STAU1: variants seen among roughly 807,000 people sequenced by gnomAD.
The protein encoded by STAU1 is staufen double-stranded RNA binding protein 1.
In STAU1, 13 loss-of-function variants were observed where a neutral mutation model predicts 62.9. That is an observed-to-expected ratio of 0.21 (90% confidence interval 0.13 to 0.33). The LOEUF is 0.33. STAU1 is among the 10% of genes least tolerant of loss of function. STAU1 has a pLI of 1.00. For synonymous variants in STAU1, 269 were observed against 265.1 expected (o/e 1.01, Z -0.14); for missense variants, 571 against 712.1 (o/e 0.80, Z 2.25).
chr20:49,156,638 G>A (rs2093361616), intron 3 of STAU1, among the ~76,000 whole-genome samples: 1 of 152,094 alleles, frequency 6.6e-6, no homozygotes, highest in African/African-American at 2.4e-5. Context: ...GCTCCCCATT[G>A]CTGATTTCCA....
intron 13 of STAU1, among the ~76,000 whole-genome samples, chr20:49,115,166 T>C (rs1012845530): frequency 6.7e-6 from 1 of 149,668 alleles, no homozygotes; most frequent in African/African-American, 2.5e-5. Context: ...CAGGAGAAAC[T>C]AGTAAAAATG....
Position 49,165,907 on chromosome 20 carries a change from G to A in STAU1, c.205+90C>T, listed in dbSNP as rs2093518359. The A allele has an allele frequency of 3.8e-6, 5 of 1,332,946 alleles. No individual in the cohort carries two copies. In the Middle Eastern group the frequency reaches 7.3e-4, roughly 195 times the overall value. 82.6% of individuals were successfully genotyped at this position (1,332,946 alleles called of 1,614,324 possible). ...TTTCTTTTGCTTTTTGAAGGTAAAT[G>A]TGAGAGCTCCCTAAATCTGCAACCT... On this transcript the variant is annotated intron_variant, in intron 3 of 13. Transcript: ENST00000371856.
At chr20:49,201,851 G>C in the STAU1 span, among the ~76,000 whole-genome samples, 1 of 151,820 alleles carries the variant, frequency 6.6e-6, no homozygotes, top group South Asian at 2.1e-4. Flanking sequence ...GAAATACTTA[G>C]AGGGAAAGTT....
chr20:49,127,842 G>A (rs757603809), intron 6 of STAU1, among the ~76,000 whole-genome samples: 6 of 150,286 alleles, frequency 4.0e-5, no homozygotes, highest in African/African-American at 1.2e-4. Context: ...GCAAAACCCC[G>A]TCTCTACAAA....
intron 2 of STAU1, among the ~76,000 whole-genome samples, chr20:49,170,837 T>G (rs912174223): frequency 1.3e-5 from 2 of 150,096 alleles, no homozygotes; most frequent in African/African-American, 2.4e-5. Context: ...TGGAGAAGCC[T>G]CCTTTTCAGA....
At chr20:49,126,588 C>CAAAAAAAAAAAAAAAAAAAAAACAA in intron 6 of STAU1, among the ~76,000 whole-genome samples, 5 of 56,376 alleles carry the variant, frequency 8.9e-5, no homozygotes, top group Non-Finnish European at 1.1e-4. Flanking sequence ...AAAAAAAAAA[C>CAAAAAAAAAAAAAAAAAAAAAACAA]AAAAAAAAAA....
chr20:49,147,343 G>A (rs539917951), intron 5 of STAU1, among the ~76,000 whole-genome samples: 3 of 152,310 alleles, frequency 2.0e-5, no homozygotes, highest in African/African-American at 4.8e-5. Flanking sequence ...TGGCATGGAG[G>A]GCCCAGACTA....
the STAU1 span, among the ~76,000 whole-genome samples, chr20:49,200,046 G>T: frequency 6.6e-6 from 1 of 152,136 alleles, no homozygotes. Flanking sequence ...AATGCAAAAT[G>T]GTACAGCCAC....
At position 49,117,373 on chromosome 20, in the gene STAU1, CCATACTAA is replaced by C. The variant is rs2145819168; in HGVS notation, c.1510-133_1510-126del. The C allele has an allele frequency of 8.2e-7, 1 of 1,217,870 alleles. No homozygotes were observed. Among genetic ancestry groups the C allele is most frequent in the African/African-American group, 1.5e-5 (1 of 66,134 alleles). 75.4% of individuals were successfully genotyped at this position (1,217,870 alleles called of 1,614,324 possible). A position where few individuals can be genotyped will look rare whatever the true frequency, so the allele number is the denominator to read the frequency against. ...TTTTTCCAACTCAGCCCCACTGTGG[CCATACTAA>C]CACCTGCCCTGTCAGCCCAGAACCT... is the stretch of plus-strand genomic sequence containing the variant. On this transcript the variant is annotated intron_variant, in intron 11 of 13. Transcript: ENST00000371856. The surrounding 1 kb of genome is among the most constrained non-coding windows in gnomAD (Gnocchi z 4.6).
At chr20:49,121,689 A>G (rs1001229405) in intron 8 of STAU1, among the ~76,000 whole-genome samples, 3 of 152,252 alleles carry the variant, frequency 2.0e-5, no homozygotes, top group Non-Finnish European at 4.4e-5. Context: ...AGTATAATTT[A>G]TAACACACAT....
intron 1 of STAU1, among the ~76,000 whole-genome samples, chr20:49,177,176 C>T (rs1186981125): frequency 2.6e-5 from 4 of 151,232 alleles, no homozygotes; most frequent in Non-Finnish European, 4.4e-5. Flanking sequence ...TCCCAAAGTG[C>T]TGCGATTACA....
intron 13 of STAU1, among the ~76,000 whole-genome samples, chr20:49,115,107 G>T (rs1370339500): frequency 6.6e-6 from 1 of 151,572 alleles, no homozygotes; most frequent in African/African-American, 2.4e-5. Flanking sequence ...AGAAAATGAG[G>T]GAAGAAATAT....
the STAU1 span, among the ~76,000 whole-genome samples, chr20:49,218,223 C>A: frequency 1.4e-5 from 2 of 142,334 alleles, no homozygotes; most frequent in African/African-American, 5.5e-5. Flanking sequence ...CCCTACAAAG[C>A]CCAATCTTTT....
chr20:49,153,842 T>A, intron 4 of STAU1, 91 bp downstream of exon 4: 1 of 1,273,990 alleles, frequency 7.8e-7, no homozygotes, highest in Non-Finnish European at 1.0e-6. Context: ...AAATCATTAC[T>A]CCCTCCACAA....
At chr20:49,169,275 C>G (rs2093567382) in intron 2 of STAU1, among the ~76,000 whole-genome samples, 1 of 152,116 alleles carries the variant, frequency 6.6e-6, no homozygotes, top group Admixed American at 6.6e-5. Context: ...AGCACCCAAA[C>G]AGATGCTCCT....
chr20:49,204,617 TA>T, the STAU1 span, among the ~76,000 whole-genome samples: 7 of 42,878 alleles, frequency 1.6e-4, no homozygotes, highest in Admixed American at 4.5e-4. Flanking sequence ...TATATATATA[TA>T]TATATGTGTA....
chr20:49,148,663 T>C (rs1440038119), intron 5 of STAU1, among the ~76,000 whole-genome samples: 2 of 152,156 alleles, frequency 1.3e-5, no homozygotes, highest in Non-Finnish European at 2.9e-5. Flanking sequence ...ACAAGTAGAT[T>C]TAAACACCAC....
intron 3 of STAU1, among the ~76,000 whole-genome samples, chr20:49,161,288 C>T (rs2093444357): frequency 6.6e-6 from 1 of 152,046 alleles, no homozygotes; most frequent in Admixed American, 6.6e-5. Context: ...GATCACACCA[C>T]TCACTCCAGC....
At chr20:49,207,852 T>G in the STAU1 span, among the ~76,000 whole-genome samples, 1 of 151,890 alleles carries the variant, frequency 6.6e-6, no homozygotes, top group Non-Finnish European at 1.5e-5. Flanking sequence ...GAACCGAGAC[T>G]GTTTGGGGGT....
Sources: gnomAD v4.1 joint callset for allele counts (sites outside exome capture counted in the v4.1 genomes callset) on GRCh38, gnomAD v4.1.1 for gene constraint, Gnocchi (gnomAD v3.1) non-coding constraint, MANE v1.5 for transcripts, NCBI Gene and HGNC (gene_info 2026-07-23, HGNC 2026-07-21) for gene names.